PRPF8: variants seen among roughly 807,000 people sequenced by gnomAD.
PRPF8 encodes the protein pre-mRNA processing factor 8.
PRPF8 carries 64 observed loss-of-function variants against 285.9 expected under a neutral mutation model. That is an observed-to-expected ratio of 0.22 (90% confidence interval 0.18 to 0.28). The LOEUF is 0.28. Among genes scored for constraint, PRPF8 ranks in the 10% least tolerant of loss-of-function variants. PRPF8 has a pLI of 1.00. For synonymous variants in PRPF8, 1,325 were observed against 1,118.2 expected (o/e 1.18, Z -3.69); for missense variants, 1,426 against 3,026.7 (o/e 0.47, Z 12.41).
At chr17:1,677,799 G>T in intron 13 of PRPF8, 105 bp from the exon 14 acceptor site, 2 of 1,443,312 alleles carry the variant, frequency 1.4e-6, no homozygotes, top group East Asian at 2.3e-5. Context: ...ACATACAGAG[G>T]AATGTAGGTA....
rs1008334948 is a variant in PRPF8 at position 1,678,885 on chromosome 17, G to A, written c.1600-4C>T. On this transcript the variant is annotated splice_polypyrimidine_tract_variant and splice_region_variant and intron_variant, in intron 11 of 42. Transcript: ENST00000304992. ...CAAAACGAGATTTCTTTCTTTCCTGGAGAAGATGCAAAAAACAGACAGAAC... is the reference window on the plus strand; with the variant it reads ...CAAAACGAGATTTCTTTCTTTCCTGAAGAAGATGCAAAAAACAGACAGAAC... 23 of 1,614,000 alleles carry A rather than the reference G, an allele frequency of 1.4e-5. No homozygotes were observed. In the Admixed American group the frequency reaches 1.7e-4, roughly 12 times the overall value.
chr17:1,683,814 G>C lies in PRPF8; in HGVS notation c.101-113C>G. 3.2e-6 allele frequency: 4 copies of C among 1,268,590 alleles called. No individual in the cohort carries two copies. The South Asian group carries it at 5.0e-5, about 16-fold the overall frequency. 78.6% of individuals were successfully genotyped at this position (1,268,590 alleles called of 1,614,324 possible). On this transcript the variant is annotated intron_variant, in intron 2 of 42. Transcript: ENST00000304992. Reference sequence around the variant, plus strand: ...TGTGAGGGAGAAGCAGGCACCAGCAGGAAGAAGCACCCCTTGCCAATTCCC... The same window carrying C: ...TGTGAGGGAGAAGCAGGCACCAGCACGAAGAAGCACCCCTTGCCAATTCCC...
At position 1,658,967 on chromosome 17, in the gene PRPF8, A is replaced by C; in HGVS notation, c.5139-204T>G. The C allele has an allele frequency of 2.9e-6, 2 of 691,212 alleles. No individual in the cohort carries two copies. The highest frequency in any genetic ancestry group is 5.3e-6 in the Non-Finnish European group (2 of 378,432). 42.8% of individuals were successfully genotyped at this position (691,212 alleles called of 1,614,324 possible). On this transcript the variant is annotated intron_variant, in intron 32 of 42. Coordinates refer to ENST00000304992, the MANE Select transcript of PRPF8 (RefSeq NM_006445.4). This position sits in a 1 kb window ranked among gnomAD's most constrained non-coding sequence, Gnocchi z 4.1. Reference sequence around the variant, plus strand: ...TCTCACTTAGGTAAAGTAAAAAAGTATGACTACGTTAAAGTATGGAGCTAA... The same window carrying C: ...TCTCACTTAGGTAAAGTAAAAAAGTCTGACTACGTTAAAGTATGGAGCTAA...
chr17:1,682,996 C>CT (rs1555554634), intron 3 of PRPF8: 11 of 173,724 alleles, frequency 6.3e-5, no homozygotes, highest in Admixed American at 1.1e-4. Flanking sequence ...TCTTATTTTT[C>CT]ATTTTTTTTT....
In PRPF8 at chr17:1,681,623, G is replaced by C; in HGVS notation, c.721C>G (p.Leu241Val). The part of the protein sequence containing the change: ...TLPMMSTLYR[L>V]ANQLLTDLVD... Reference sequence around the variant, plus strand: ...AAGTCTGTCAGGAGCTGATTAGCCAGGCGGTAGAGAGTCGACATCATAGGT... The same window carrying C: ...AAGTCTGTCAGGAGCTGATTAGCCACGCGGTAGAGAGTCGACATCATAGGT... Residue 241 changes from leucine to valine, a missense_variant, in exon 6 of 43, where the codon CTG (leucine) becomes GTG (valine). Leu to Val is a conservative substitution (Grantham distance 32, BLOSUM62 1). Coordinates refer to ENST00000304992, the MANE Select transcript of PRPF8 (RefSeq NM_006445.4). 7 of 1,614,162 alleles carry C rather than the reference G, an allele frequency of 4.3e-6. No individual in the cohort carries two copies. The highest frequency in any genetic ancestry group is 5.9e-6 in the Non-Finnish European group (7 of 1,180,026).
chr17:1,656,747 C>T lies in PRPF8; in HGVS notation c.5520G>A (p.Lys1840=), dbSNP rs972886890. The change falls in exon 35 of 43, where the codon AAG becomes AAA. Residue 1840 remains lysine (K), a synonymous_variant. Transcript: ENST00000304992. ...TCAGGGCGGCCACCTCCTCAGCTGT[C>T]TTCCACTTAGCCAACTTAAAAGCAA... ...QKRLGQLAKW[K]TAEEVAALIR... 1 of 1,613,954 alleles carries T rather than the reference C, an allele frequency of 6.2e-7. No individual in the cohort carries two copies. The highest frequency in any genetic ancestry group is 1.3e-5 in the African/African-American group (1 of 74,906).
chr17:1,676,144 T>C lies in PRPF8; in HGVS notation c.2552+63A>G, dbSNP rs924395757. 2 of 1,612,040 alleles carry C rather than the reference T, an allele frequency of 1.2e-6. No individual in the cohort carries two copies. The highest frequency in any genetic ancestry group is 2.2e-5 in the East Asian group (1 of 44,876). ...GGCTACACCTTCTTTCTTTGGACTCTGAGGATGACGCCATTCCCTGCTGTC... is the reference window on the plus strand; with the variant it reads ...GGCTACACCTTCTTTCTTTGGACTCCGAGGATGACGCCATTCCCTGCTGTC... On this transcript the variant is annotated intron_variant, in intron 17 of 42. Transcript: ENST00000304992. The surrounding 1 kb of genome is among the most constrained non-coding windows in gnomAD (Gnocchi z 6.3).
At chr17:1,665,945 G>T (rs895380161) in intron 24 of PRPF8, among the ~76,000 whole-genome samples, 1 of 151,380 alleles carries the variant, frequency 6.6e-6, no homozygotes, top group Admixed American at 6.6e-5. Flanking sequence ...CTGATCAGGT[G>T]GTGGTCAGGA....
At chr17:1,672,634 C>T (rs1333204417) in intron 24 of PRPF8, among the ~76,000 whole-genome samples, 1 of 152,012 alleles carries the variant, frequency 6.6e-6, no homozygotes, top group Non-Finnish European at 1.5e-5. Context: ...GTTCAAAATT[C>T]CTCAGATTTT....
intron 13 of PRPF8, chr17:1,678,291 G>A: frequency 1.8e-6 from 1 of 544,192 alleles, no homozygotes; most frequent in South Asian, 2.0e-5. Flanking sequence ...CTCCAGCTGG[G>A]GCAACAGAGA....
intron 2 of PRPF8, 110 bp downstream of exon 2, chr17:1,684,362 G>C (rs1334018182): frequency 2.9e-6 from 3 of 1,047,352 alleles, no homozygotes; most frequent in East Asian, 2.4e-5. Flanking sequence ...GAAATAACAA[G>C]GGAGCTGACA....
chr17:1,683,264 G>A (rs1913037398), intron 3 of PRPF8: 1 of 481,086 alleles, frequency 2.1e-6, no homozygotes, highest in Non-Finnish European at 3.8e-6. Flanking sequence ...CAAAGTGCTG[G>A]GATTACAGGC....
chr17:1,658,733 C>T lies in PRPF8; in HGVS notation c.5169G>A (p.Lys1723=), dbSNP rs1476028675. 6.2e-7 allele frequency: 1 copy of T among 1,614,100 alleles called. No homozygotes were observed. The highest frequency in any genetic ancestry group is 8.5e-7 in the Non-Finnish European group (1 of 1,180,050). Residue 1723 remains lysine (K), a synonymous_variant, in exon 33 of 43, where the codon AAG becomes AAA. Coordinates refer to ENST00000304992, the MANE Select transcript of PRPF8 (RefSeq NM_006445.4). This position sits in a 1 kb window ranked among gnomAD's most constrained non-coding sequence, Gnocchi z 4.1. Reference sequence around the variant, plus strand: ...TGGCCATGGCCTGTTGTATGAGAGGCTTGCTGCCTGGGAACCAGTTTCCAT... The same window carrying T: ...TGGCCATGGCCTGTTGTATGAGAGGTTTGCTGCCTGGGAACCAGTTTCCAT... ...SAYGNWFPGS[K]PLIQQAMAKI...
In PRPF8 at chr17:1,651,941, T is replaced by C; in HGVS notation, c.6370-153A>G. 2 of 989,754 alleles carry C rather than the reference T, an allele frequency of 2.0e-6. No individual in the cohort carries two copies. Among genetic ancestry groups the C allele is most frequent in the South Asian group, 1.3e-5 (1 of 75,434 alleles). 61.3% of individuals were successfully genotyped at this position (989,754 alleles called of 1,614,324 possible). A position where few individuals can be genotyped will look rare whatever the true frequency, so the allele number is the denominator to read the frequency against. On this transcript the variant is annotated intron_variant, in intron 39 of 42. Transcript: ENST00000304992. This position sits in a 1 kb window ranked among gnomAD's most constrained non-coding sequence, Gnocchi z 5.1. ...CCTGTATCAGAATCAGCTGGGGTGCTTGTTCAAAATGTTAGACATGGACCT... is the reference window on the plus strand; with the variant it reads ...CCTGTATCAGAATCAGCTGGGGTGCCTGTTCAAAATGTTAGACATGGACCT...
chr17:1,651,241 C>T lies in PRPF8; in HGVS notation c.6720G>A (p.Gln2240=). The T allele has an allele frequency of 6.2e-7, 1 of 1,614,096 alleles. No homozygotes were observed. The highest frequency in any genetic ancestry group is 8.5e-7 in the Non-Finnish European group (1 of 1,180,028). Residue 2240 remains glutamine, a synonymous_variant, in exon 42 of 43, where the codon CAG becomes CAA. Transcript: ENST00000304992. The surrounding 1 kb of genome is among the most constrained non-coding windows in gnomAD (Gnocchi z 5.1). The part of the protein sequence containing the change: ...LTPSGYEWGR[Q]NTDKGNNPKG... The stretch of plus-strand genomic sequence containing the variant: ...TGGGGTTGTTGCCCTTGTCTGTGTT[C>T]TGGCGGCCCCATTCGTAGCCACTGG...
chr17:1,668,621 C>CA (rs1912134134), intron 24 of PRPF8, among the ~76,000 whole-genome samples: 2 of 152,032 alleles, frequency 1.3e-5, no homozygotes, highest in African/African-American at 4.8e-5. Flanking sequence ...CTCGGCCTCC[C>CA]AAAGTGCTGG....
At chr17:1,677,475 G>T in intron 14 of PRPF8, 90 bp downstream of exon 14, 1 of 1,573,878 alleles carries the variant, frequency 6.4e-7, no homozygotes, top group South Asian at 1.1e-5. Context: ...TAGGAAGAGT[G>T]CTCATACAAG....
At position 1,677,031 on chromosome 17, in the gene PRPF8, A is replaced by G; in HGVS notation, c.2126T>C (p.Ile709Thr). The G allele has an allele frequency of 6.2e-7, 1 of 1,613,878 alleles. No individual in the cohort carries two copies. Among genetic ancestry groups the G allele is most frequent in the Non-Finnish European group, 8.5e-7 (1 of 1,179,972 alleles). Residue 709 changes from isoleucine (I) to threonine (T), a missense_variant, in exon 15 of 43, where the codon ATC becomes ACC. Coordinates refer to ENST00000304992, the MANE Select transcript of PRPF8 (RefSeq NM_006445.4). ...EGIKQNKART[I>T]LQHLSEAWRC... Reference sequence around the variant, plus strand: ...CCAGGCTTCACTGAGGTGCTGCAGGATTGTCCGGGCCTTGTTCTGCTTGAT... The same window carrying G: ...CCAGGCTTCACTGAGGTGCTGCAGGGTTGTCCGGGCCTTGTTCTGCTTGAT...
intron 24 of PRPF8, among the ~76,000 whole-genome samples, chr17:1,669,285 T>C (rs1459430261): frequency 6.6e-6 from 1 of 152,162 alleles, no homozygotes; most frequent in Non-Finnish European, 1.5e-5. Flanking sequence ...TTTTGTATTT[T>C]TAGTAGAGAC....
Sources: allele counts gnomAD v4.1 joint callset (sites outside exome capture counted in the v4.1 genomes callset), GRCh38; gene constraint gnomAD v4.1.1; non-coding constraint Gnocchi (gnomAD v3.1); transcripts MANE v1.5; gene names NCBI Gene and HGNC (gene_info 2026-07-23, HGNC 2026-07-21).